MRNIP: variants seen among roughly 807,000 people sequenced by gnomAD.
MRNIP encodes the protein MRN complex-interacting protein.
A neutral mutation model predicts 29.8 loss-of-function variants in MRNIP; 30 were observed. That is an observed-to-expected ratio of 1.01 (90% CI 0.75 to 1.36). The LOEUF (loss-of-function observed/expected upper bound fraction) is 1.36. MRNIP is among the 40% of genes most tolerant of loss of function. The pLI is 0.00. For missense variants in MRNIP, 459 were observed against 423.5 expected, an observed-to-expected ratio of 1.08 and a Z score of -0.74; for synonymous variants, 201 against 164.1, an observed-to-expected ratio of 1.23 and a Z score of -1.72.
intron 5 of MRNIP, 149 bp downstream of exon 5, chr5:179,841,757 AG>A: frequency 1.3e-6 from 1 of 790,636 alleles, no homozygotes; most frequent in Non-Finnish European, 2.0e-6. Context: ...TGGGGCCAGC[AG>A]TGGCAGCAGC....
At chr5:179,844,631 G>T (rs1759054545) in intron 3 of MRNIP, among the ~76,000 whole-genome samples, 1 of 151,700 alleles carries the variant, frequency 6.6e-6, no homozygotes, top group Non-Finnish European at 1.5e-5. Context: ...TTGCCATCTT[G>T]CCCAGGCTAG....
At chr5:179,857,001 A>G (rs1423629684) in intron 1 of MRNIP, among the ~76,000 whole-genome samples, 3 of 152,158 alleles carry the variant, frequency 2.0e-5, no homozygotes, top group Non-Finnish European at 2.9e-5. Flanking sequence ...GAGGTGGATC[A>G]GCTGAGCCCG....
chr5:179,850,332 T>C (rs1417349402), intron 2 of MRNIP, among the ~76,000 whole-genome samples: 1 of 152,166 alleles, frequency 6.6e-6, no homozygotes, highest in African/African-American at 2.4e-5. Flanking sequence ...TGTCGCCATC[T>C]TGAAATTCTT....
chr5:179,841,553 ACTTC>A (rs1241634084), intron 5 of MRNIP: 5 of 233,050 alleles, frequency 2.1e-5, no homozygotes, highest in Non-Finnish European at 4.1e-5. Flanking sequence ...GCAGAAGAAA[ACTTC>A]CTTCAAGTCT....
chr5:179,841,940 C>G lies in MRNIP; in HGVS notation c.416G>C (p.Gly139Ala), dbSNP rs748377166. The G allele has an allele frequency of 3.1e-6, 5 of 1,614,092 alleles. No individual in the cohort carries two copies. The South Asian group carries it at 5.5e-5, about 18-fold the overall frequency. The change falls in exon 5 of 7, where the codon GGC becomes GCC. Residue 139 changes from glycine to alanine, a missense_variant. Gly to Ala is a moderately conservative substitution (Grantham distance 60). Transcript: ENST00000292586. ...AGGCAGGTCTTGACTGAAGCGGGGG[C>G]CTGGCTCCTCCATTTTGGATGAAGG... is the stretch of plus-strand genomic sequence containing the variant. ...KQPSSKMEEP[G>A]PRFSQDLPRK...
chr5:179,843,217 G>A (rs1386468809), intron 4 of MRNIP, among the ~76,000 whole-genome samples: 1 of 152,114 alleles, frequency 6.6e-6, no homozygotes, highest in African/African-American at 2.4e-5. Flanking sequence ...CAGCGATCAT[G>A]CCTCCACACT....
At position 179,853,188 on chromosome 5, in the gene MRNIP, T is replaced by C. The variant is rs766187518; in HGVS notation, c.126+190A>G. 5.9e-6 allele frequency: 9 copies of C among 1,513,124 alleles called. No individual in the cohort carries two copies. In the East Asian group the frequency reaches 7.5e-5, roughly 13 times the overall value. 93.7% of individuals were successfully genotyped at this position (1,513,124 alleles called of 1,614,324 possible). Reference sequence around the variant, plus strand: ...AATACTTGCTGAATGAAGAATCAAATGGCAGTACCTTTCCAGATTCTGCTC... The same window carrying C: ...AATACTTGCTGAATGAAGAATCAAACGGCAGTACCTTTCCAGATTCTGCTC... On this transcript the variant is annotated intron_variant, in intron 2 of 6. Coordinates refer to ENST00000292586, the MANE Select transcript of MRNIP (RefSeq NM_016175.4).
chr5:179,837,596 A>AG lies in MRNIP; in HGVS notation c.826dup (p.Leu276ProfsTer22). 6.2e-7 allele frequency: 1 copy of AG among 1,614,128 alleles called. No homozygotes were observed. Among genetic ancestry groups the AG allele is most frequent in the Non-Finnish European group, 8.5e-7 (1 of 1,179,990 alleles). ...CTGGACAGCGGCAGTGGGCCTGCTG[A>AG]GGCCTTCTCTTGAGGCCTGTGCTCT... On this transcript the variant is annotated frameshift_variant, in exon 7 of 7. Transcript: ENST00000292586. LOFTEE classifies it low-confidence loss of function (END_TRUNC).
rs1463555515 is a variant in MRNIP at position 179,844,216 on chromosome 5, T to A, written c.227A>T (p.Glu76Val). The A allele has an allele frequency of 3.7e-6, 6 of 1,613,964 alleles. No individual in the cohort carries two copies. Among genetic ancestry groups the A allele is most frequent in the Non-Finnish European group, 5.1e-6 (6 of 1,179,926 alleles). Residue 76 changes from glutamate to valine, a missense_variant, in exon 4 of 7, where the codon GAA (glutamate) becomes GTA (valine). Physicochemically the swap from Glu to Val is moderately radical, Grantham distance 121. Transcript: ENST00000292586. ...TTCTTCTTCACTGGCACTGACAGTT[T>A]CTTCTAGAGACCTTCAGGGAAGACC... is the stretch of plus-strand genomic sequence containing the variant. ...VSELPLRSLE[E>V]TVSASEEENV...
chr5:179,848,399 T>C (rs1158376390), intron 2 of MRNIP, among the ~76,000 whole-genome samples: 2 of 152,264 alleles, frequency 1.3e-5, no homozygotes, highest in Non-Finnish European at 1.5e-5. Context: ...TATTGCCATA[T>C]TGTATAACAT....
chr5:179,850,074 T>C (rs1759300188), intron 2 of MRNIP, among the ~76,000 whole-genome samples: 1 of 151,152 alleles, frequency 6.6e-6, no homozygotes, highest in Non-Finnish European at 1.5e-5. Context: ...CCACGGGTCC[T>C]GCTATGGCAC....
intron 1 of MRNIP, among the ~76,000 whole-genome samples, chr5:179,857,189 C>T (rs967891884): frequency 1.3e-5 from 2 of 152,112 alleles, no homozygotes; most frequent in African/African-American, 4.8e-5. Context: ...TGGCTCACAC[C>T]CGTAACACCA....
chr5:179,846,021 A>G (rs182489759), intron 3 of MRNIP: 2 of 152,342 alleles, frequency 1.3e-5, no homozygotes, highest in Admixed American at 6.5e-5. Flanking sequence ...GGTCCAGGGT[A>G]TATGAGTAGC....
intron 3 of MRNIP, chr5:179,846,941 C>G (rs2113555516): frequency 6.6e-6 from 1 of 152,260 alleles, no homozygotes; most frequent in East Asian, 1.9e-4. Flanking sequence ...CTGCCCCTCT[C>G]CCAGCCGTCG....
chr5:179,846,697 C>A (rs1346168675), intron 3 of MRNIP, among the ~76,000 whole-genome samples: 1 of 152,158 alleles, frequency 6.6e-6, no homozygotes, highest in East Asian at 1.9e-4. Flanking sequence ...GCTTTTCACA[C>A]AGGGTATGTA....
At position 179,851,733 on chromosome 5, in the gene MRNIP, C is replaced by T. The variant is rs996900593; in HGVS notation, c.126+1645G>A. ...GTGGCTCACGCCTGTAACCCCAGCA[C>T]TTTGGGAGGCCAAGGTGGGCAGATC... On this transcript the variant is annotated intron_variant, in intron 2 of 6. Coordinates refer to ENST00000292586, the MANE Select transcript of MRNIP (RefSeq NM_016175.4). Among the ~76,000 whole-genome samples, 10 of 152,078 alleles carry T rather than the reference C, an allele frequency of 6.6e-5. No homozygotes were observed. The South Asian group carries it at 8.3e-4, about 13-fold the overall frequency.
chr5:179,843,203 T>G (rs2113547454), intron 4 of MRNIP, among the ~76,000 whole-genome samples: 1 of 152,152 alleles, frequency 6.6e-6, no homozygotes, highest in Middle Eastern at 3.4e-3. Flanking sequence ...GGGGCTCCAG[T>G]GAGCAGCGAT....
chr5:179,857,237 C>T (rs548032790), intron 1 of MRNIP, among the ~76,000 whole-genome samples: 111 of 152,102 alleles, frequency 7.3e-4, no homozygotes, highest in Non-Finnish European at 1.2e-3. Flanking sequence ...CCGAGGCGGG[C>T]AGATCACGAG....
chr5:179,841,059 C>T (rs1758864072), intron 5 of MRNIP, 100 bp from the exon 6 acceptor site: 1 of 780,934 alleles, frequency 1.3e-6, no homozygotes, highest in African/African-American at 1.7e-5. Context: ...TGGCCACCTG[C>T]TTGTTCCTAC....
Sources: allele counts gnomAD v4.1 joint callset (sites outside exome capture counted in the v4.1 genomes callset), GRCh38; gene constraint gnomAD v4.1.1; transcripts MANE v1.5; gene names NCBI Gene and HGNC (gene_info 2026-07-23, HGNC 2026-07-21).